AGBL1: variants seen among roughly 807,000 people sequenced by gnomAD.
AGBL1 encodes the protein cytosolic carboxypeptidase 4.
Under a neutral mutation model 118.9 loss-of-function variants are expected in AGBL1, and 130 were observed. That is an observed-to-expected ratio of 1.09 (90% CI 0.95 to 1.26). The LOEUF (loss-of-function observed/expected upper bound fraction) is 1.26, where lower values mean the gene tolerates loss of function less well. Ranked by LOEUF, AGBL1 falls within the 50% of genes most tolerant of loss-of-function variation. The pLI is 0.00. For synonymous variants in AGBL1, 555 were observed against 478.9 expected (o/e 1.16, Z -2.08); for missense variants, 1,584 against 1,298.1 (o/e 1.22, Z -3.38).
intron 6 of AGBL1, among the ~76,000 whole-genome samples, chr15:86,237,286 C>T (rs1038688427): frequency 3.0e-4 from 46 of 152,274 alleles, no homozygotes; most frequent in African/African-American, 1.1e-3. Context: ...TTTGCCTCTT[C>T]CTCATACACT....
At chr15:86,831,623 C>T (rs2079105092) in intron 22 of AGBL1, among the ~76,000 whole-genome samples, 1 of 152,192 alleles carries the variant, frequency 6.6e-6, no homozygotes, top group African/African-American at 2.4e-5. Flanking sequence ...AGGTGGGTTC[C>T]CATGGTCTTG....
chr15:86,277,136 T>C (rs1015659609), intron 15 of AGBL1, among the ~76,000 whole-genome samples: 55 of 148,326 alleles, frequency 3.7e-4, no homozygotes, highest in African/African-American at 1.4e-3. Context: ...AAATAAGGTG[T>C]TTATAATAAG....
At chr15:86,668,030 C>A (rs190698683) in intron 21 of AGBL1, among the ~76,000 whole-genome samples, 113 of 152,278 alleles carry the variant, frequency 7.4e-4, no homozygotes, top group African/African-American at 2.6e-3. Flanking sequence ...ATGGTGAGAA[C>A]AGCAAGAGAG....
chr15:86,614,964 T>A (rs2437795), intron 21 of AGBL1, among the ~76,000 whole-genome samples: 73,276 of 151,892 alleles, frequency 0.48, 17,694 homozygotes, highest in East Asian at 0.6. Flanking sequence ...TTATAGAGAA[T>A]GAGCAAAGTT....
chr15:86,976,315 A>C (rs1440581979), intron 23 of AGBL1, among the ~76,000 whole-genome samples: 2 of 151,554 alleles, frequency 1.3e-5, no homozygotes, highest in Admixed American at 6.6e-5. Context: ...ATTGTTCATA[A>C]ATTTTTTATT....
At chr15:86,297,555 A>C (rs970479498) in intron 17 of AGBL1, among the ~76,000 whole-genome samples, 1 of 152,240 alleles carries the variant, frequency 6.6e-6, no homozygotes. Flanking sequence ...ATTTAAGGTC[A>C]TAAAGGTAGA....
intron 22 of AGBL1, among the ~76,000 whole-genome samples, chr15:86,881,612 G>A (rs2141532594): frequency 6.6e-6 from 1 of 152,238 alleles, no homozygotes; most frequent in South Asian, 2.1e-4. Flanking sequence ...CAGGGGAGGA[G>A]GAAGATGGCA....
At chr15:86,374,216 T>G (rs2141949035) in intron 17 of AGBL1, among the ~76,000 whole-genome samples, 1 of 152,362 alleles carries the variant, frequency 6.6e-6, no homozygotes. Flanking sequence ...ATGTAAATAC[T>G]TAATGGTATC....
In AGBL1 at chr15:86,821,503, C is replaced by A. The variant is rs139760995; in HGVS notation, c.3159-85584C>A. 5.7e-3 allele frequency among the ~76,000 whole-genome samples: 870 copies of A among 151,978 alleles called. 6 individuals are homozygous for A. Among genetic ancestry groups the A allele is most frequent in the Middle Eastern group, 0.021 (6 of 290 alleles). ...ACAGAGAGGGAATGGAATACAAGACCAAGTTTTAAAAAAGATAATAGATAA... is the reference window on the plus strand; with the variant it reads ...ACAGAGAGGGAATGGAATACAAGACAAAGTTTTAAAAAAGATAATAGATAA... On this transcript the variant is annotated intron_variant, in intron 22 of 22. Coordinates refer to ENST00000614907, the MANE Select transcript of AGBL1 (RefSeq NM_001386094.1).
rs149856813 is a variant in AGBL1, at chr15:86,700,839, T to G, written c.3158+26403T>G. 1.7e-3 allele frequency among the ~76,000 whole-genome samples: 266 copies of G among 152,154 alleles called. 4 individuals carry two copies. In the East Asian group the frequency reaches 0.022, roughly 13 times the overall value. ...CATGAAAGTTGAGATTCGAGTGTAG[T>G]TTAAATCGATTCATCCAAGTGAAAA... On this transcript the variant is annotated intron_variant, in intron 22 of 22. Coordinates refer to ENST00000614907, the MANE Select transcript of AGBL1 (RefSeq NM_001386094.1).
At chr15:86,924,045 T>A (rs2080506882) in intron 23 of AGBL1, among the ~76,000 whole-genome samples, 1 of 152,244 alleles carries the variant, frequency 6.6e-6, no homozygotes, top group African/African-American at 2.4e-5. Flanking sequence ...TTATTTTACT[T>A]CATTTGCCCA....
intron 18 of AGBL1, among the ~76,000 whole-genome samples, chr15:86,511,002 T>A (rs934264157): frequency 1.3e-5 from 2 of 152,044 alleles, no homozygotes; most frequent in African/African-American, 4.8e-5. Context: ...GAATGTAAAT[T>A]CCTGGAAGGA....
intron 18 of AGBL1, among the ~76,000 whole-genome samples, chr15:86,411,771 A>G (rs977249927): frequency 4.6e-5 from 7 of 152,172 alleles, no homozygotes; most frequent in African/African-American, 1.4e-4. Context: ...GCATAATAAC[A>G]AGGAAACAAA....
chr15:86,876,803 G>C (rs1184027362), intron 22 of AGBL1, among the ~76,000 whole-genome samples: 1 of 152,122 alleles, frequency 6.6e-6, no homozygotes, highest in African/African-American at 2.4e-5. Flanking sequence ...GAATGTAGTT[G>C]GCTGAGCACG....
chr15:86,439,038 T>C (rs2082031384), intron 18 of AGBL1, among the ~76,000 whole-genome samples: 1 of 152,110 alleles, frequency 6.6e-6, no homozygotes, highest in South Asian at 2.1e-4. Context: ...CTATTGAAAA[T>C]CTTGTTTGCG....
intron 19 of AGBL1, among the ~76,000 whole-genome samples, chr15:86,536,252 C>G (rs1259617024): frequency 3.3e-5 from 5 of 152,172 alleles, no homozygotes; most frequent in Admixed American, 3.3e-4. Flanking sequence ...TTCTCTTGCT[C>G]TCAACAGTGT....
intron 1 of AGBL1, among the ~76,000 whole-genome samples, chr15:86,081,113 G>A (rs1037016930): frequency 2.0e-5 from 3 of 152,034 alleles, no homozygotes; most frequent in African/African-American, 7.2e-5. Flanking sequence ...GTGTGATCTC[G>A]ACTCACTACA....
At chr15:86,784,541 T>G (rs2078379957) in intron 22 of AGBL1, among the ~76,000 whole-genome samples, 1 of 152,156 alleles carries the variant, frequency 6.6e-6, no homozygotes, top group Non-Finnish European at 1.5e-5. Flanking sequence ...TGATTCTGCT[T>G]TCTAGGGAGT....
intron 19 of AGBL1, among the ~76,000 whole-genome samples, chr15:86,524,543 G>T (rs1318985683): frequency 1.3e-5 from 2 of 152,138 alleles, no homozygotes; most frequent in Admixed American, 6.5e-5. Flanking sequence ...CAGGGTTTTT[G>T]TTGGGGGGTC....
Sources: allele counts gnomAD v4.1 joint callset (sites outside exome capture counted in the v4.1 genomes callset), GRCh38; gene constraint gnomAD v4.1.1; transcripts MANE v1.5; gene names NCBI Gene and HGNC (gene_info 2026-07-23, HGNC 2026-07-21).